NGEF: variants seen among roughly 807,000 people sequenced by gnomAD.
NGEF encodes the protein ephexin-1.
In NGEF, 31 loss-of-function variants were observed where a neutral mutation model predicts 80.9. That is an observed-to-expected ratio of 0.38 (90% CI 0.29 to 0.52). The LOEUF is 0.52. Among genes scored for constraint, NGEF ranks in the 20% least tolerant of loss-of-function variants. NGEF has a pLI of 0.84. For missense variants in NGEF, 709 were observed against 926.2 expected (o/e 0.77, Z 3.04); for synonymous variants, 371 against 370.2 (o/e 1.00, Z -0.03).
At chr2:232,929,984 C>A (rs1693186100) in intron 3 of NGEF, among the ~76,000 whole-genome samples, 2 of 152,192 alleles carry the variant, frequency 1.3e-5, no homozygotes, top group African/African-American at 2.4e-5. Context: ...CATTCTCTCT[C>A]TTGCCTGCTG....
chr2:232,885,517 G>A, intron 9 of NGEF, 148 bp from the exon 10 acceptor site: 1 of 646,832 alleles, frequency 1.5e-6, no homozygotes, highest in East Asian at 2.6e-5. Context: ...GTCTCAGTCG[G>A]ACTGGAGCTC....
intron 3 of NGEF, among the ~76,000 whole-genome samples, chr2:232,952,509 C>A: frequency 6.6e-6 from 1 of 152,166 alleles, no homozygotes; most frequent in Admixed American, 6.5e-5. Flanking sequence ...GCAGCAAGTG[C>A]CTTTTAATAG....
At chr2:232,915,649 C>A (rs575074046) in intron 5 of NGEF, among the ~76,000 whole-genome samples, 1 of 152,060 alleles carries the variant, frequency 6.6e-6, no homozygotes, top group Admixed American at 6.6e-5. Flanking sequence ...TAGTGGAGTG[C>A]GCATGGCAAC....
At chr2:232,942,547 T>C (rs1318306116) in intron 3 of NGEF, among the ~76,000 whole-genome samples, 1 of 152,150 alleles carries the variant, frequency 6.6e-6, no homozygotes, top group Admixed American at 6.5e-5. Flanking sequence ...CCTTAAAAGA[T>C]GAGTGTACCA....
Position 232,956,781 on chromosome 2 carries a change from T to TAAAAA in NGEF, c.383+13428_383+13432dup, listed in dbSNP as rs57407464. On this transcript the variant is annotated intron_variant, in intron 3 of 14. Coordinates refer to ENST00000264051, the MANE Select transcript of NGEF (RefSeq NM_019850.3). ...CTGGGCGACAGAGCAAGACTCCATC[T>TAAAAA]AAAAAAAAAAAAAAAAAAAAAAAAA... is the stretch of plus-strand genomic sequence containing the variant. 1.9e-3 allele frequency among the ~76,000 whole-genome samples: 119 copies of TAAAAA among 62,102 alleles called. 5 individuals carry two copies. Among genetic ancestry groups the TAAAAA allele is most frequent in the African/African-American group, 7.0e-3 (113 of 16,090 alleles). The allele number at this position is 62,102 out of a possible 152,430, so 40.7% of individuals were successfully genotyped here.
At position 232,885,267 on chromosome 2, in the gene NGEF, C is replaced by T. The variant is rs781597917; in HGVS notation, c.1437+13G>A. ...TGCATGGGCACAGGCTCACACCAATCCCACCGGTTCACCTTGATCTTGAAC... is the reference window on the plus strand; with the variant it reads ...TGCATGGGCACAGGCTCACACCAATTCCACCGGTTCACCTTGATCTTGAAC... On this transcript the variant is annotated intron_variant, in intron 10 of 14. Transcript: ENST00000264051. 6.2e-7 allele frequency: 1 copy of T among 1,612,636 alleles called. No homozygotes were observed. Among genetic ancestry groups the T allele is most frequent in the South Asian group, 1.1e-5 (1 of 91,048 alleles).
At chr2:232,919,162 AG>A (rs1189918126) in intron 5 of NGEF, among the ~76,000 whole-genome samples, 2 of 152,244 alleles carry the variant, frequency 1.3e-5, no homozygotes, top group African/African-American at 4.8e-5. Flanking sequence ...GATGCTGGTC[AG>A]GAACAAGTCA....
In NGEF at chr2:232,960,448, A is replaced by G. The variant is rs190443536; in HGVS notation, c.383+9766T>C. Among the ~76,000 whole-genome samples the G allele has an allele frequency of 2.5e-3, 384 of 152,098 alleles. 2 individuals are homozygous for G. The highest frequency in any genetic ancestry group is 0.02 in the Middle Eastern group (6 of 294). On this transcript the variant is annotated intron_variant, in intron 3 of 14. Coordinates refer to ENST00000264051, the MANE Select transcript of NGEF (RefSeq NM_019850.3). Reference sequence around the variant, plus strand: ...GATTCACAGGAACACCCTCCTTCTCATAGCCGTGATTACCCTGGCCATACC... The same window carrying G: ...GATTCACAGGAACACCCTCCTTCTCGTAGCCGTGATTACCCTGGCCATACC...
At chr2:232,889,013 G>A (rs1017688741) in intron 8 of NGEF, among the ~76,000 whole-genome samples, 6 of 151,962 alleles carry the variant, frequency 3.9e-5, no homozygotes, top group African/African-American at 9.7e-5. Context: ...CTGTCCTCCC[G>A]GCTGCTGGGT....
intron 1 of NGEF, among the ~76,000 whole-genome samples, chr2:232,996,777 G>C (rs541023050): frequency 1.9e-4 from 29 of 152,238 alleles, no homozygotes; most frequent in African/African-American, 6.7e-4. Context: ...TTACAGGTGT[G>C]AGCCACAGCG....
At chr2:232,907,123 A>G (rs1464807621) in intron 5 of NGEF, among the ~76,000 whole-genome samples, 32 of 148,734 alleles carry the variant, frequency 2.2e-4, no homozygotes, top group African/African-American at 7.9e-4. Flanking sequence ...ACCCTGCCAA[A>G]TCCCCCTCTG....
intron 5 of NGEF, among the ~76,000 whole-genome samples, chr2:232,900,650 ACT>A (rs1206239010): frequency 4.3e-5 from 6 of 141,054 alleles, no homozygotes; most frequent in African/African-American, 8.1e-5. Flanking sequence ...ATACACGTTC[ACT>A]CACATTCACT....
At chr2:232,961,097 G>A (rs1192949036) in intron 3 of NGEF, among the ~76,000 whole-genome samples, 3 of 152,176 alleles carry the variant, frequency 2.0e-5, no homozygotes, top group Non-Finnish European at 2.9e-5. Flanking sequence ...AACTCTGTGA[G>A]GATGGGCACT....
At chr2:232,891,101 C>A (rs567094159) in intron 8 of NGEF, 37 of 571,032 alleles carry the variant, frequency 6.5e-5, no homozygotes, top group East Asian at 4.0e-4. Flanking sequence ...CCAGCCACCC[C>A]TGTCGTGTCG....
chr2:232,937,174 G>A (rs1426202982), intron 3 of NGEF, among the ~76,000 whole-genome samples: 1 of 152,052 alleles, frequency 6.6e-6, no homozygotes, highest in East Asian at 1.9e-4. Flanking sequence ...CACCATGTTG[G>A]CCAGGCTGGT....
chr2:232,961,166 G>A (rs1407509579), intron 3 of NGEF, among the ~76,000 whole-genome samples: 2 of 152,124 alleles, frequency 1.3e-5, no homozygotes, highest in East Asian at 1.9e-4. Context: ...GAAAACTGAA[G>A]AACTGATTCT....
At chr2:232,917,978 G>C (rs1012838941) in intron 5 of NGEF, among the ~76,000 whole-genome samples, 4 of 151,982 alleles carry the variant, frequency 2.6e-5, no homozygotes, top group African/African-American at 9.7e-5. Context: ...ATTTGAGACA[G>C]AGCCTCACTC....
At chr2:232,885,172 G>A (rs1691637266) in intron 10 of NGEF, 108 bp downstream of exon 10, 2 of 984,794 alleles carry the variant, frequency 2.0e-6, no homozygotes. Context: ...AGTGTGGCCA[G>A]TGACCAAGGA....
intron 1 of NGEF, among the ~76,000 whole-genome samples, chr2:232,981,835 G>A (rs1198386619): frequency 6.6e-6 from 1 of 152,160 alleles, no homozygotes; most frequent in Non-Finnish European, 1.5e-5. Context: ...TTAATAAATT[G>A]GCTCTGTCTA....
Sources: gnomAD v4.1 joint callset for allele counts (sites outside exome capture counted in the v4.1 genomes callset) on GRCh38, gnomAD v4.1.1 for gene constraint, MANE v1.5 for transcripts, NCBI Gene and HGNC (gene_info 2026-07-23, HGNC 2026-07-21) for gene names.